Variants in PDS5B observed in about 807,000 individuals in gnomAD.
PDS5B encodes PDS5 cohesin associated factor B, also known as sister chromatid cohesion protein PDS5 homolog B.
PDS5B carries 51 observed loss-of-function variants against 184.1 expected under a neutral mutation model. That is an observed-to-expected ratio of 0.28 (90% CI 0.22 to 0.35). The LOEUF (loss-of-function observed/expected upper bound fraction) is 0.35. Ranked by LOEUF, PDS5B falls within the 10% of genes least tolerant of loss-of-function variation. PDS5B has a pLI of 1.00. For missense variants in PDS5B, 1,180 were observed against 1,723.3 expected (o/e 0.68, Z 5.58); for synonymous variants, 566 against 569.2 (o/e 0.99, Z 0.08).
intron 2 of PDS5B, 101 bp from the exon 3 acceptor site, chr13:32,651,703 A>G (rs145122647): frequency 0.015 from 9,503 of 650,062 alleles, 108 homozygotes; most frequent in Non-Finnish European, 0.022. Context: ...ATGAAAGTAT[A>G]TTCATTTGAA....
chr13:32,628,954 A>C (rs980062430), intron 1 of PDS5B, among the ~76,000 whole-genome samples: 20 of 152,152 alleles, frequency 1.3e-4, no homozygotes, highest in Non-Finnish European at 1.0e-4. Context: ...ATTGGAAGAG[A>C]AGTATTGCTG....
Position 32,694,359 on chromosome 13 carries a change from T to C in PDS5B, c.1551+55T>C, listed in dbSNP as rs79440312. The C allele has an allele frequency of 1.5e-3, 1,504 of 1,012,750 alleles. 24 individuals carry two copies. In the African/African-American group the frequency reaches 0.022, roughly 15 times the overall value. The allele number at this position is 1,012,750 out of a possible 1,614,324, so 62.7% of individuals were successfully genotyped here. On this transcript the variant is annotated intron_variant, in intron 14 of 34. Transcript: ENST00000315596. ...TTTAAAACACATGTATTTTAATTAC[T>C]ATTTACCATTGCTGCTATGTGTTAA... is the stretch of plus-strand genomic sequence containing the variant.
intron 1 of PDS5B, among the ~76,000 whole-genome samples, chr13:32,638,321 T>C (rs1478671130): frequency 6.6e-6 from 1 of 152,188 alleles, no homozygotes; most frequent in Non-Finnish European, 1.5e-5. Flanking sequence ...CAAAGTCACA[T>C]TGTAAGGGTG....
intron 7 of PDS5B, among the ~76,000 whole-genome samples, chr13:32,669,278 T>C (rs1950873360): frequency 6.8e-6 from 1 of 147,544 alleles, no homozygotes. Context: ...GCCAAGCCAG[T>C]TTTTTTTTTT....
At chr13:32,679,705 T>C in intron 10 of PDS5B, among the ~76,000 whole-genome samples, 1 of 152,200 alleles carries the variant, frequency 6.6e-6, no homozygotes, top group East Asian at 1.9e-4. Flanking sequence ...TTCATCCTTT[T>C]TGGGAGACAT....
intron 22 of PDS5B, 38 bp downstream of exon 22, chr13:32,741,186 TCAC>T (rs776409426): frequency 5.7e-6 from 6 of 1,043,934 alleles, no homozygotes; most frequent in Non-Finnish European, 8.7e-6. Flanking sequence ...TTTAATATAA[TCAC>T]CACATTGTAA....
At chr13:32,721,605 G>A (rs1433095009) in intron 19 of PDS5B, among the ~76,000 whole-genome samples, 7 of 150,060 alleles carry the variant, frequency 4.7e-5, no homozygotes, top group African/African-American at 1.2e-4. Context: ...CCTCCCAGAC[G>A]GGGCAGCCGG....
chr13:32,702,340 G>T (rs1951885990), intron 17 of PDS5B, among the ~76,000 whole-genome samples: 1 of 152,092 alleles, frequency 6.6e-6, no homozygotes, highest in African/African-American at 2.4e-5. Flanking sequence ...GGTTTAAAAA[G>T]CAAGACAAGA....
At chr13:32,717,018 G>C (rs1167670927) in intron 19 of PDS5B, among the ~76,000 whole-genome samples, 1 of 120,364 alleles carries the variant, frequency 8.3e-6, no homozygotes, top group Admixed American at 7.9e-5. Context: ...GGAGGGAGGT[G>C]GGGGGGTCAG....
intron 24 of PDS5B, among the ~76,000 whole-genome samples, chr13:32,752,334 G>A (rs981208598): frequency 4.6e-5 from 7 of 151,958 alleles, no homozygotes; most frequent in Non-Finnish European, 8.8e-5. Context: ...ATATATATAG[G>A]ATTTGGTACT....
intron 23 of PDS5B, among the ~76,000 whole-genome samples, chr13:32,744,440 G>A (rs1415300487): frequency 1.3e-5 from 2 of 152,126 alleles, no homozygotes; most frequent in Non-Finnish European, 2.9e-5. Context: ...TAAGTGGGAA[G>A]CTTGCATTCC....
At chr13:32,683,519 C>G (rs555381258) in intron 10 of PDS5B, among the ~76,000 whole-genome samples, 1 of 151,640 alleles carries the variant, frequency 6.6e-6, no homozygotes, top group Non-Finnish European at 1.5e-5. Flanking sequence ...GGGGCTTATC[C>G]GTGTTGGTCA....
intron 11 of PDS5B, 73 bp downstream of exon 11, chr13:32,684,096 A>T: frequency 1.4e-6 from 1 of 705,818 alleles, no homozygotes; most frequent in Non-Finnish European, 2.2e-6. Context: ...TTGAAAATAT[A>T]TTTAAATATA....
chr13:32,606,530 T>G (rs1213736966), intron 1 of PDS5B, among the ~76,000 whole-genome samples: 1 of 152,240 alleles, frequency 6.6e-6, no homozygotes, highest in East Asian at 1.9e-4. Flanking sequence ...TTGGTGAATC[T>G]GACAATTGTG....
chr13:32,703,083 T>C (rs1951908632), intron 17 of PDS5B, among the ~76,000 whole-genome samples: 1 of 152,116 alleles, frequency 6.6e-6, no homozygotes, highest in Non-Finnish European at 1.5e-5. Flanking sequence ...TTGAAAAGAA[T>C]GAAAGGAACT....
At chr13:32,716,667 G>A (rs1407701013) in intron 19 of PDS5B, among the ~76,000 whole-genome samples, 7 of 137,236 alleles carry the variant, frequency 5.1e-5, no homozygotes, top group African/African-American at 1.9e-4. Context: ...AGGGAGGTGG[G>A]GGGGGTCAGC....
chr13:32,758,066 T>C (rs760545155), intron 26 of PDS5B, 21 bp from the exon 27 acceptor site: 5 of 1,192,610 alleles, frequency 4.2e-6, no homozygotes, highest in Middle Eastern at 2.1e-4. Context: ...ATATTTCTTT[T>C]TTCCTTTTTT....
chr13:32,661,185 A>G (rs1475140335), intron 6 of PDS5B, among the ~76,000 whole-genome samples: 1 of 152,040 alleles, frequency 6.6e-6, no homozygotes, highest in African/African-American at 2.4e-5. Context: ...GGAGTTCAAG[A>G]CCAGCCTGGC....
chr13:32,726,433 A>G (rs1952903670), intron 19 of PDS5B, among the ~76,000 whole-genome samples: 1 of 152,112 alleles, frequency 6.6e-6, no homozygotes, highest in African/African-American at 2.4e-5. Flanking sequence ...GTTTTTTGAC[A>G]GTTATCTTTG....
Sources: gnomAD v4.1 joint callset for allele counts (sites outside exome capture counted in the v4.1 genomes callset) on GRCh38, gnomAD v4.1.1 for gene constraint, MANE v1.5 for transcripts, NCBI Gene and HGNC (gene_info 2026-07-23, HGNC 2026-07-21) for gene names.